ABCE1: variants seen among roughly 807,000 people sequenced by gnomAD.
ABCE1 encodes ATP binding cassette subfamily E member 1.
In ABCE1, 22 loss-of-function variants were observed where a neutral mutation model predicts 83.4. That is an observed-to-expected ratio of 0.26 (90% CI 0.19 to 0.38). The LOEUF is 0.38. ABCE1 is among the 10% of genes least tolerant of loss of function. ABCE1 has a pLI of 1.00. For missense variants in ABCE1, 330 were observed against 721.9 expected (o/e 0.46, Z 6.22); for synonymous variants, 204 against 233.7 (o/e 0.87, Z 1.16).
intron 8 of ABCE1, 160 bp downstream of exon 8, chr4:145,111,224 C>T (rs993095204): frequency 6.3e-6 from 3 of 472,460 alleles, no homozygotes; most frequent in African/African-American, 6.0e-5. Flanking sequence ...ATCCACTACT[C>T]ATTTTCCCTG....
At chr4:145,103,384 A>AT (rs536812559) in intron 1 of ABCE1, among the ~76,000 whole-genome samples, 134 of 152,284 alleles carry the variant, frequency 8.8e-4, no homozygotes, top group African/African-American at 2.9e-3. Context: ...ACCTTTTGGA[A>AT]TTTTTTACTT....
intron 1 of ABCE1, among the ~76,000 whole-genome samples, chr4:145,101,021 A>G (rs1749135948): frequency 6.6e-6 from 1 of 152,230 alleles, no homozygotes; most frequent in South Asian, 2.1e-4. Context: ...GACAATATAC[A>G]TACACACACC....
At chr4:145,124,928 C>A in intron 16 of ABCE1, 62 bp from the exon 17 acceptor site, 1 of 1,197,992 alleles carries the variant, frequency 8.3e-7, no homozygotes, top group Non-Finnish European at 1.2e-6. Flanking sequence ...CCCTTCCTCT[C>A]AAAAGGTAGT....
chr4:145,125,711 A>G (rs895126421), intron 17 of ABCE1, among the ~76,000 whole-genome samples: 2 of 152,164 alleles, frequency 1.3e-5, no homozygotes, highest in Non-Finnish European at 2.9e-5. Flanking sequence ...CCATTGTAAC[A>G]AAGAATTTTT....
chr4:145,120,172 G>A lies in ABCE1; in HGVS notation c.1144+19G>A. 6.3e-7 allele frequency: 1 copy of A among 1,579,890 alleles called. No homozygotes were observed. The highest frequency in any genetic ancestry group is 8.6e-7 in the Non-Finnish European group (1 of 1,164,852). ...GAAAATGGTAAGTTTTCTGTTTTGT[G>A]ATAAGTAAAAATCTTCCTGTTTATC... is the stretch of plus-strand genomic sequence containing the variant. On this transcript the variant is annotated intron_variant, in intron 11 of 17. Coordinates refer to ENST00000296577, the MANE Select transcript of ABCE1 (RefSeq NM_002940.3).
At chr4:145,125,694 T>A (rs973397170) in intron 17 of ABCE1, among the ~76,000 whole-genome samples, 2 of 152,156 alleles carry the variant, frequency 1.3e-5, no homozygotes, top group African/African-American at 4.8e-5. Flanking sequence ...AAGATTACAC[T>A]AATTCACCAT....
intron 9 of ABCE1, among the ~76,000 whole-genome samples, chr4:145,114,442 T>C (rs1490445479): frequency 1.3e-5 from 2 of 152,158 alleles, no homozygotes; most frequent in East Asian, 3.9e-4. Flanking sequence ...TATAAAACTT[T>C]AAAGATATCA....
chr4:145,099,163 A>G (rs1338568728), intron 1 of ABCE1, among the ~76,000 whole-genome samples: 1 of 152,210 alleles, frequency 6.6e-6, no homozygotes, highest in Non-Finnish European at 1.5e-5. Flanking sequence ...TTATCTCTTC[A>G]GGGCTTCGTA....
chr4:145,110,873 A>C, intron 7 of ABCE1, 95 bp from the exon 8 acceptor site: 1 of 768,662 alleles, frequency 1.3e-6, no homozygotes. Context: ...TTTTCAACTG[A>C]AATAGCATTC....
Position 145,120,933 on chromosome 4 carries a change from T to C in ABCE1, c.1145-241T>C, listed in dbSNP as rs1749722976. Reference sequence around the variant, plus strand: ...TTGCAGGATTTAAACTTTATAGACATACCATTTATTAAAATTGTCATAAGC... The same window carrying C: ...TTGCAGGATTTAAACTTTATAGACACACCATTTATTAAAATTGTCATAAGC... On this transcript the variant is annotated intron_variant, in intron 11 of 17. Transcript: ENST00000296577. The C allele has an allele frequency of 6.4e-6, 3 of 469,984 alleles. No homozygotes were observed. The East Asian group carries it at 1.1e-4, about 18-fold the overall frequency. 29.1% of individuals were successfully genotyped at this position (469,984 alleles called of 1,614,324 possible).
chr4:145,099,167 C>T (rs1328788792), intron 1 of ABCE1, among the ~76,000 whole-genome samples: 3 of 152,164 alleles, frequency 2.0e-5, no homozygotes, highest in African/African-American at 7.2e-5. Context: ...CTCTTCAGGG[C>T]TTCGTACATT....
At chr4:145,110,011 T>A in intron 5 of ABCE1, 92 bp from the exon 6 acceptor site, 1 of 1,168,990 alleles carries the variant, frequency 8.6e-7, no homozygotes, top group African/African-American at 1.6e-5. Flanking sequence ...AAGTGTTCTA[T>A]TTGCATATAT....
chr4:145,110,540 A>G, intron 7 of ABCE1, 96 bp downstream of exon 7: 4 of 1,138,344 alleles, frequency 3.5e-6, no homozygotes, highest in South Asian at 1.3e-5. Context: ...CAATGATGCA[A>G]CCTCTGCTTA....
intron 1 of ABCE1, among the ~76,000 whole-genome samples, chr4:145,101,740 G>A (rs1579207360): frequency 6.6e-6 from 1 of 152,190 alleles, no homozygotes; most frequent in Non-Finnish European, 1.5e-5. Context: ...ATTTGGGCCT[G>A]AGCAAATGGA....
At chr4:145,124,630 T>C (rs1376083049) in intron 16 of ABCE1, among the ~76,000 whole-genome samples, 3 of 152,192 alleles carry the variant, frequency 2.0e-5, no homozygotes, top group Non-Finnish European at 4.4e-5. Context: ...AATATAACTT[T>C]TTAAGATTCT....
chr4:145,103,804 C>T (rs1749218572), intron 1 of ABCE1, among the ~76,000 whole-genome samples: 1 of 150,052 alleles, frequency 6.7e-6, no homozygotes, highest in Admixed American at 6.6e-5. Context: ...GACTCTCATC[C>T]AGGCTGGAGT....
chr4:145,102,703 G>A (rs1749185957), intron 1 of ABCE1, among the ~76,000 whole-genome samples: 1 of 152,142 alleles, frequency 6.6e-6, no homozygotes, highest in South Asian at 2.1e-4. Context: ...CTGAGGGACA[G>A]TGGAAATATG....
At chr4:145,104,131 C>T (rs376471736) in intron 1 of ABCE1, among the ~76,000 whole-genome samples, 29 of 151,430 alleles carry the variant, frequency 1.9e-4, no homozygotes, top group African/African-American at 5.3e-4. Context: ...TTCTTTTTGT[C>T]GCTATTGTAA....
chr4:145,111,161 A>G (rs1027197086), intron 8 of ABCE1, 97 bp downstream of exon 8: 1 of 763,424 alleles, frequency 1.3e-6, no homozygotes, highest in Non-Finnish European at 2.1e-6. Context: ...AGAAATTAAT[A>G]GAAATAGTAT....
Sources: allele counts gnomAD v4.1 joint callset (sites outside exome capture counted in the v4.1 genomes callset), GRCh38; gene constraint gnomAD v4.1.1; transcripts MANE v1.5; gene names NCBI Gene and HGNC (gene_info 2026-07-23, HGNC 2026-07-21).